The following RABEP1 variants were observed in gnomAD, a reference collection of about 807,000 sequenced individuals.
The protein encoded by RABEP1 is rabaptin, RAB GTPase binding effector protein 1.
A neutral mutation model predicts 123.4 loss-of-function variants in RABEP1; 51 were observed. The observed-to-expected ratio is 0.41, with a 90% confidence interval of 0.33 to 0.52. The LOEUF (loss-of-function observed/expected upper bound fraction) is 0.52, where lower values mean the gene tolerates loss of function less well. RABEP1 is among the 20% of genes least tolerant of loss of function. The pLI is 0.16. For missense variants in RABEP1, 888 were observed against 996.3 expected (o/e 0.89, Z 1.46); for synonymous variants, 347 against 355.2 (o/e 0.98, Z 0.26).
At chr17:5,319,327 CAAAAAA>C (rs200353804) in intron 2 of RABEP1, among the ~76,000 whole-genome samples, 1 of 114,700 alleles carries the variant, frequency 8.7e-6, no homozygotes, top group Non-Finnish European at 1.7e-5. Flanking sequence ...GACTCTGTCT[CAAAAAA>C]AAAAAAAACA....
chr17:5,292,478 C>T (rs2075042942), intron 1 of RABEP1, among the ~76,000 whole-genome samples: 2 of 152,024 alleles, frequency 1.3e-5, no homozygotes, highest in African/African-American at 4.8e-5. Context: ...ACCTCCACCT[C>T]CTGGGTTCAA....
At chr17:5,290,604 A>G (rs1215487244) in intron 1 of RABEP1, among the ~76,000 whole-genome samples, 2 of 152,016 alleles carry the variant, frequency 1.3e-5, no homozygotes, top group African/African-American at 4.8e-5. Flanking sequence ...ATTTATTATT[A>G]TTTTTTGAGA....
At chr17:5,337,023 T>A (rs1248729404) in intron 4 of RABEP1, among the ~76,000 whole-genome samples, 2 of 152,210 alleles carry the variant, frequency 1.3e-5, no homozygotes, top group Non-Finnish European at 2.9e-5. Flanking sequence ...AAAGCCAACT[T>A]TTTGAGCCTG....
chr17:5,316,850 AAAAAAAT>A (rs2075302271), intron 2 of RABEP1, among the ~76,000 whole-genome samples: 1 of 151,140 alleles, frequency 6.6e-6, no homozygotes, highest in African/African-American at 2.4e-5. Flanking sequence ...AAAAAAAAAA[AAAAAAAT>A]ATAAGAAACA....
chr17:5,375,175 A>G (rs970861411), intron 13 of RABEP1, among the ~76,000 whole-genome samples: 22 of 150,976 alleles, frequency 1.5e-4, no homozygotes, highest in Non-Finnish European at 2.7e-4. Context: ...TACAGATTCA[A>G]TCTCTATAAT....
rs1356684858 is a variant in RABEP1 at position 5,384,852 on chromosome 17, A to T, written c.*1629A>T. ...TAACTATTGAGTTACAGGGGATTTT[A>T]TTAATTATAAAATGCAATCAATTTA... On this transcript the variant is annotated 3_prime_UTR_variant, in exon 18 of 18. Transcript: ENST00000537505. 2 of 219,152 alleles carry T rather than the reference A, an allele frequency of 9.1e-6. No individual in the cohort carries two copies. Among genetic ancestry groups the T allele is most frequent in the African/African-American group, 4.5e-5 (2 of 44,736 alleles). The allele number at this position is 219,152 out of a possible 1,614,324, so 13.6% of individuals were successfully genotyped here. A position where few individuals can be genotyped will look rare whatever the true frequency, so the allele number is the denominator to read the frequency against.
intron 2 of RABEP1, among the ~76,000 whole-genome samples, chr17:5,323,746 A>G (rs1339135008): frequency 7.7e-6 from 1 of 130,032 alleles, no homozygotes; most frequent in Admixed American, 8.7e-5. Context: ...CTAGGAATAT[A>G]TATATATCTA....
chr17:5,302,244 A>ATTTTTTTTTTTTTTTTTTTTTTTT (rs57770310), intron 1 of RABEP1, among the ~76,000 whole-genome samples: 1 of 118,396 alleles, frequency 8.4e-6, no homozygotes. Flanking sequence ...TACTGAAAAC[A>ATTTTTTTTTTTTTTTTTTTTTTTT]TTTTTTTTTT....
At chr17:5,291,434 A>G (rs1308198629) in intron 1 of RABEP1, among the ~76,000 whole-genome samples, 4 of 152,146 alleles carry the variant, frequency 2.6e-5, no homozygotes, top group Non-Finnish European at 4.4e-5. Context: ...CTAGACTTAC[A>G]CATAATTCTG....
chr17:5,324,826 A>G (rs1057354182), intron 2 of RABEP1, among the ~76,000 whole-genome samples: 2 of 152,230 alleles, frequency 1.3e-5, no homozygotes, highest in African/African-American at 4.8e-5. Flanking sequence ...AGAGAAATGC[A>G]AAGCAAAACT....
At chr17:5,300,756 C>G (rs1411330134) in intron 1 of RABEP1, among the ~76,000 whole-genome samples, 1 of 152,132 alleles carries the variant, frequency 6.6e-6, no homozygotes, top group East Asian at 1.9e-4. Context: ...GTATGTTTTG[C>G]CCAAGCTTCT....
chr17:5,307,240 C>T (rs1278187232), intron 1 of RABEP1, among the ~76,000 whole-genome samples: 2 of 152,204 alleles, frequency 1.3e-5, no homozygotes, highest in East Asian at 3.9e-4. Flanking sequence ...ATTGCTTGAA[C>T]CTGGGAGGCA....
At position 5,346,729 on chromosome 17, in the gene RABEP1, T is replaced by C. The variant is rs536808761; in HGVS notation, c.649-61T>C. 3.0e-5 allele frequency: 41 copies of C among 1,351,146 alleles called. No individual in the cohort carries two copies. The South Asian group carries it at 8.7e-4, about 29-fold the overall frequency. 83.7% of individuals were successfully genotyped at this position (1,351,146 alleles called of 1,614,324 possible). On this transcript the variant is annotated intron_variant, in intron 5 of 17. Coordinates refer to ENST00000537505, the MANE Select transcript of RABEP1 (RefSeq NM_004703.6). ...AGGCATAGCCAGAACTTACCATCAT[T>C]CTGTATCTAAGATAGAAACTGTTGT... is the stretch of plus-strand genomic sequence containing the variant.
chr17:5,299,621 T>G (rs890684910), intron 1 of RABEP1, among the ~76,000 whole-genome samples: 2 of 151,852 alleles, frequency 1.3e-5, no homozygotes, highest in African/African-American at 4.8e-5. Flanking sequence ...ATTTTTGCCT[T>G]GTGACCCAGT....
intron 17 of RABEP1, 194 bp downstream of exon 17, chr17:5,381,699 T>C: frequency 1.0e-5 from 8 of 781,514 alleles, no homozygotes; most frequent in Non-Finnish European, 1.4e-5. Context: ...ATTTTTCTTT[T>C]TCTGTATGCC....
intron 5 of RABEP1, among the ~76,000 whole-genome samples, chr17:5,343,977 A>C (rs1907848995): frequency 6.6e-6 from 1 of 152,038 alleles, no homozygotes; most frequent in South Asian, 2.1e-4. Context: ...TGCCTGGCCC[A>C]AGGTTTCCTA....
In RABEP1 at chr17:5,373,360, G is replaced by A; in HGVS notation, c.1931G>A (p.Arg644Lys). Residue 644 changes from arginine (R) to lysine (K), a missense_variant, in exon 13 of 18, where the codon AGG becomes AAG. Physicochemically the swap from Arg to Lys is conservative, Grantham distance 26. Coordinates refer to ENST00000537505, the MANE Select transcript of RABEP1 (RefSeq NM_004703.6). ...GAACAGGTTTCAGAAGAGCTGGTGA[G>A]GTTACAGAAAGATAATGACAGTCTC... ...SREQVSEELV[R>K]LQKDNDSLQG... The A allele has an allele frequency of 6.2e-7, 1 of 1,613,268 alleles. No homozygotes were observed. The highest frequency in any genetic ancestry group is 2.2e-5 in the East Asian group (1 of 44,806).
chr17:5,382,971 T>G, intron 17 of RABEP1, 151 bp from the exon 18 acceptor site: 3 of 635,640 alleles, frequency 4.7e-6, no homozygotes, highest in East Asian at 5.6e-5. Flanking sequence ...CTTTGGGGAA[T>G]TATTTTTAAA....
chr17:5,353,828 A>T (rs1567539760), intron 7 of RABEP1, among the ~76,000 whole-genome samples: 1 of 152,068 alleles, frequency 6.6e-6, no homozygotes, highest in African/African-American at 2.4e-5. Context: ...TACAAAAAAT[A>T]AAAAAATTAG....
Sources: gnomAD v4.1 joint callset for allele counts (sites outside exome capture counted in the v4.1 genomes callset) on GRCh38, gnomAD v4.1.1 for gene constraint, MANE v1.5 for transcripts, NCBI Gene and HGNC (gene_info 2026-07-23, HGNC 2026-07-21) for gene names.